The following PPARGC1A variants were observed in gnomAD, a reference collection of about 807,000 sequenced individuals.
PPARGC1A encodes peroxisome proliferator-activated receptor gamma coactivator 1-alpha.
PPARGC1A carries 25 observed loss-of-function variants against 88.7 expected under a neutral mutation model. The ratio of observed to expected loss-of-function variants is 0.28; its 90% CI spans 0.21 to 0.39. PPARGC1A has a LOEUF of 0.39. Among genes scored for constraint, PPARGC1A ranks in the 10% least tolerant of loss-of-function variants. The pLI is 1.00. For missense variants in PPARGC1A, 880 were observed against 968.7 expected (o/e 0.91, Z 1.22); for synonymous variants, 363 against 355.6 (o/e 1.02, Z -0.24).
the PPARGC1A span, among the ~76,000 whole-genome samples, chr4:24,437,387 A>G: frequency 2.6e-5 from 4 of 152,144 alleles, no homozygotes; most frequent in Non-Finnish European, 5.9e-5. Flanking sequence ...TGAAGGGCAG[A>G]CATGAGCCAG....
At chr4:24,339,229 T>TACACACACACACACAC in the PPARGC1A span, among the ~76,000 whole-genome samples, 5 of 100,050 alleles carry the variant, frequency 5.0e-5, no homozygotes, top group African/African-American at 1.7e-4. Context: ...TATATATATA[T>TACACACACACACACAC]ATATATATAC....
At chr4:24,191,511 G>A in the PPARGC1A span, among the ~76,000 whole-genome samples, 2 of 152,254 alleles carry the variant, frequency 1.3e-5, no homozygotes, top group Admixed American at 1.3e-4. Context: ...TCCATTTGTT[G>A]TGATTTTCAG....
the PPARGC1A span, among the ~76,000 whole-genome samples, chr4:24,198,845 C>T: frequency 1.2e-4 from 19 of 152,318 alleles, no homozygotes; most frequent in African/African-American, 4.6e-4. Flanking sequence ...CACCTACAGG[C>T]TGGTCCTGAA....
chr4:24,296,440 T>G, the PPARGC1A span, among the ~76,000 whole-genome samples: 5 of 152,134 alleles, frequency 3.3e-5, no homozygotes, highest in African/African-American at 4.8e-5. Flanking sequence ...TCCAAAGAAC[T>G]TAGGTTGCTC....
At chr4:24,351,441 T>C in the PPARGC1A span, among the ~76,000 whole-genome samples, 1 of 150,448 alleles carries the variant, frequency 6.6e-6, no homozygotes, top group Non-Finnish European at 1.5e-5. Flanking sequence ...AAATTTAGAT[T>C]AGAGGAAAAA....
chr4:24,418,970 C>A, the PPARGC1A span, among the ~76,000 whole-genome samples: 1 of 152,194 alleles, frequency 6.6e-6, no homozygotes, highest in South Asian at 2.1e-4. Flanking sequence ...CTTTGACACT[C>A]TTAGTAGATT....
At chr4:24,254,119 C>A in the PPARGC1A span, among the ~76,000 whole-genome samples, 3 of 152,180 alleles carry the variant, frequency 2.0e-5, no homozygotes, top group Non-Finnish European at 4.4e-5. Context: ...TTCAGATGAA[C>A]GTGAAACTTT....
chr4:24,409,523 T>G, the PPARGC1A span, among the ~76,000 whole-genome samples: 1 of 152,200 alleles, frequency 6.6e-6, no homozygotes, highest in Non-Finnish European at 1.5e-5. Flanking sequence ...CAGATACTAG[T>G]GTTGCAAGCT....
the PPARGC1A span, among the ~76,000 whole-genome samples, chr4:24,402,488 G>A: frequency 9.2e-5 from 14 of 152,290 alleles, 2 homozygotes; most frequent in South Asian, 2.5e-3. Flanking sequence ...TGAGGCATGG[G>A]TTTGTCACTA....
At chr4:23,835,846 A>C (rs1199899770) in intron 2 of PPARGC1A, among the ~76,000 whole-genome samples, 1 of 152,146 alleles carries the variant, frequency 6.6e-6, no homozygotes, top group Non-Finnish European at 1.5e-5. Context: ...CATGAGTTTC[A>C]ACAATCAAAC....
chr4:24,325,253 T>C, the PPARGC1A span, among the ~76,000 whole-genome samples: 15 of 152,076 alleles, frequency 9.9e-5, no homozygotes, highest in African/African-American at 7.2e-5. Flanking sequence ...TATTACCCAA[T>C]CTGCTCCCGA....
At chr4:24,066,859 T>TTG in the PPARGC1A span, among the ~76,000 whole-genome samples, 1 of 85,436 alleles carries the variant, frequency 1.2e-5, no homozygotes, top group African/African-American at 3.5e-5. Context: ...GTTTTTTTTT[T>TTG]TTTTTTTTTT....
chr4:24,442,664 A>T, the PPARGC1A span, among the ~76,000 whole-genome samples: 1 of 152,216 alleles, frequency 6.6e-6, no homozygotes, highest in Non-Finnish European at 1.5e-5. Context: ...TATCTGCCAC[A>T]TACATTTATT....
the PPARGC1A span, among the ~76,000 whole-genome samples, chr4:24,052,674 A>G: frequency 4.0e-4 from 60 of 151,202 alleles, 1 homozygote; most frequent in South Asian, 0.012. Flanking sequence ...GAAAAAGTCT[A>G]CATTTCCAGT....
chr4:24,070,009 C>T, the PPARGC1A span, among the ~76,000 whole-genome samples: 1 of 152,262 alleles, frequency 6.6e-6, no homozygotes, highest in Admixed American at 6.5e-5. Context: ...ATAGTGACTT[C>T]CCTGAGTGTC....
At chr4:24,350,521 C>T in the PPARGC1A span, among the ~76,000 whole-genome samples, 1 of 152,196 alleles carries the variant, frequency 6.6e-6, no homozygotes, top group Non-Finnish European at 1.5e-5. Flanking sequence ...CCAATCCTCT[C>T]ATGAGGGAGT....
the PPARGC1A span, among the ~76,000 whole-genome samples, chr4:24,106,525 T>C: frequency 6.6e-6 from 1 of 152,178 alleles, no homozygotes; most frequent in Non-Finnish European, 1.5e-5. Context: ...GTTTCCTTCT[T>C]AATCTCAAGA....
the PPARGC1A span, among the ~76,000 whole-genome samples, chr4:24,339,212 GTATATATATATA>G: frequency 5.1e-5 from 3 of 59,094 alleles, no homozygotes; most frequent in South Asian, 6.5e-4. Context: ...GTGTGTGTGT[GTATATATATATA>G]TATATATATA....
the PPARGC1A span, among the ~76,000 whole-genome samples, chr4:23,967,067 T>C: frequency 2.0e-5 from 3 of 152,198 alleles, no homozygotes; most frequent in African/African-American, 7.2e-5. Context: ...TACTGAGATG[T>C]AATGCCTTAT....
Sources: gnomAD v4.1 joint callset for allele counts (sites outside exome capture counted in the v4.1 genomes callset) on GRCh38, gnomAD v4.1.1 for gene constraint, MANE v1.5 for transcripts, NCBI Gene and HGNC (gene_info 2026-07-23, HGNC 2026-07-21) for gene names.